Variants in PTPRG observed in about 807,000 individuals in gnomAD.
PTPRG encodes the protein protein tyrosine phosphatase receptor type G.
A neutral mutation model predicts 165.3 loss-of-function variants in PTPRG; 102 were observed. The ratio of observed to expected loss-of-function variants is 0.62; its 90% CI spans 0.53 to 0.73. The LOEUF is 0.73. Among genes scored for constraint, PTPRG ranks in the 30% least tolerant of loss-of-function variants. PTPRG has a pLI of 0.00. For synonymous variants in PTPRG, 675 were observed against 669.5 expected, an observed-to-expected ratio of 1.01 and a Z score of -0.13; for missense variants, 1,866 against 1,861.4, an observed-to-expected ratio of 1.00 and a Z score of -0.05.
intron 2 of PTPRG, among the ~76,000 whole-genome samples, chr3:61,786,451 T>C (rs1461217856): frequency 6.6e-6 from 1 of 152,166 alleles, no homozygotes; most frequent in Admixed American, 6.6e-5. Context: ...AGTTGGTCGC[T>C]AGTTATGGTT....
intron 6 of PTPRG, among the ~76,000 whole-genome samples, chr3:62,138,036 A>C (rs1703778707): frequency 6.6e-6 from 1 of 152,188 alleles, no homozygotes; most frequent in Non-Finnish European, 1.5e-5. Flanking sequence ...CTCATCTTCA[A>C]GGCTCTCTTC....
Position 61,858,323 on chromosome 3 carries a change from A to G in PTPRG, c.190+109341A>G, listed in dbSNP as rs2037171021. Among the ~76,000 whole-genome samples, 4 of 152,344 alleles carry G rather than the reference A, an allele frequency of 2.6e-5. No homozygotes were observed. In the South Asian group the frequency reaches 8.3e-4, roughly 32 times the overall value. The stretch of plus-strand genomic sequence containing the variant: ...ACAGTTTTATAAGTGAATGTATTTC[A>G]ATCGTTTTTTATTAACAGTATTCCC... On this transcript the variant is annotated intron_variant, in intron 2 of 29. Transcript: ENST00000474889.
At position 61,857,089 on chromosome 3, in the gene PTPRG, C is replaced by CTT. The variant is rs895779789; in HGVS notation, c.190+108117_190+108118dup. ...TCCTATTTCTGTGTGTGTCTAGTAT[C>CTT]TTTTTTTTTTTACCCCCTCTCTCAA... On this transcript the variant is annotated intron_variant, in intron 2 of 29. Coordinates refer to ENST00000474889, the MANE Select transcript of PTPRG (RefSeq NM_002841.4). Among the ~76,000 whole-genome samples the CTT allele has an allele frequency of 3.4e-4, 50 of 146,718 alleles. 1 individual carries two copies. In the East Asian group the frequency reaches 6.7e-3, roughly 20 times the overall value.
At chr3:62,208,398 G>T (rs1700280811) in intron 12 of PTPRG, among the ~76,000 whole-genome samples, 1 of 152,152 alleles carries the variant, frequency 6.6e-6, no homozygotes, top group African/African-American at 2.4e-5. Context: ...TCATCATTTG[G>T]TGCTGGGATT....
chr3:61,605,561 T>A (rs969062312), intron 1 of PTPRG, among the ~76,000 whole-genome samples: 5 of 83,232 alleles, frequency 6.0e-5, no homozygotes, highest in South Asian at 1.6e-3. Context: ...AAGCCAATTT[T>A]TTTATTTTTT....
At chr3:61,927,680 CTA>C (rs759226779) in intron 2 of PTPRG, among the ~76,000 whole-genome samples, 67 of 152,076 alleles carry the variant, frequency 4.4e-4, no homozygotes, top group Non-Finnish European at 1.5e-4. Flanking sequence ...AACCCTGGAG[CTA>C]TGTTTGGTGT....
At chr3:61,795,189 G>A (rs1342386128) in intron 2 of PTPRG, among the ~76,000 whole-genome samples, 4 of 152,176 alleles carry the variant, frequency 2.6e-5, no homozygotes, top group Admixed American at 2.0e-4. Context: ...CTAATAAGTA[G>A]TGGGGCTGGG....
intron 11 of PTPRG, among the ~76,000 whole-genome samples, 169 bp downstream of exon 11, chr3:62,201,723 A>G (rs1298546968): frequency 6.6e-6 from 1 of 152,222 alleles, no homozygotes; most frequent in African/African-American, 2.4e-5. Context: ...TACCTTATGA[A>G]CACAAGCTGT....
chr3:61,676,831 C>A lies in PTPRG; in HGVS notation c.86-72047C>A, dbSNP rs76997552. On this transcript the variant is annotated intron_variant, in intron 1 of 29. Transcript: ENST00000474889. ...GATTGGGTAACTGTTGGAATGTGGA[C>A]CACCAATTTCTTTTATTGGCTTCCA... Among the ~76,000 whole-genome samples, 49 of 152,224 alleles carry A rather than the reference C, an allele frequency of 3.2e-4. No homozygotes were observed. In the East Asian group the frequency reaches 9.5e-3, roughly 29 times the overall value.
Position 62,282,816 on chromosome 3 carries a change from C to T in PTPRG, c.4002C>T (p.Asn1334=), listed in dbSNP as rs755840341. Residue 1334 remains asparagine (N), a synonymous_variant, in exon 28 of 30, where the codon AAC becomes AAT. Coordinates refer to ENST00000474889, the MANE Select transcript of PTPRG (RefSeq NM_002841.4). The part of the protein sequence containing the change: ...APISSTFELI[N]VIKEEALTRD... ...TAAGTAGTACCTTTGAACTTATCAA[C>T]GTCATCAAGGAAGAGGCCTTAACAA... 5.6e-6 allele frequency: 9 copies of T among 1,611,442 alleles called. No homozygotes were observed. The highest frequency in any genetic ancestry group is 1.7e-5 in the Admixed American group (1 of 59,824).
intron 2 of PTPRG, among the ~76,000 whole-genome samples, chr3:61,775,660 A>G (rs1396704417): frequency 3.3e-5 from 5 of 152,154 alleles, no homozygotes; most frequent in African/African-American, 1.2e-4. Flanking sequence ...TGGCTAAGAA[A>G]TCAAGGTTCT....
chr3:61,680,816 C>T (rs371091431), intron 1 of PTPRG, among the ~76,000 whole-genome samples: 1 of 84,100 alleles, frequency 1.2e-5, no homozygotes, highest in Non-Finnish European at 3.1e-5. Flanking sequence ...TATTGGCACC[C>T]GGTTGGTGTT....
At chr3:61,871,204 TGTTATGTTATGTTATGTTA>T (rs2037571223) in intron 2 of PTPRG, among the ~76,000 whole-genome samples, 1 of 149,062 alleles carries the variant, frequency 6.7e-6, no homozygotes, top group Non-Finnish European at 1.5e-5. Context: ...TGTTATGTTA[TGTTATGTTATGTTATGTTA>T]TGTTATGTTA....
chr3:62,178,262 G>A (rs143460492), intron 8 of PTPRG, among the ~76,000 whole-genome samples: 1,949 of 152,186 alleles, frequency 0.013, 19 homozygotes, highest in Middle Eastern at 0.1. Context: ...TGTATGGGAG[G>A]ATGGAGGGAT....
At chr3:62,013,182 T>C (rs1043945616) in intron 4 of PTPRG, among the ~76,000 whole-genome samples, 1 of 152,196 alleles carries the variant, frequency 6.6e-6, no homozygotes, top group Non-Finnish European at 1.5e-5. Context: ...AAAATATTGT[T>C]TTAACATAAA....
In PTPRG at chr3:62,178,715, G is replaced by A. The variant is rs571715739; in HGVS notation, c.1033+10552G>A. ...GGTAGCAGACTCCAGGGGCCATCTA[G>A]TGTTTTCACACTTTACCTAATTACT... On this transcript the variant is annotated intron_variant, in intron 8 of 29. Transcript: ENST00000474889. Among the ~76,000 whole-genome samples the A allele has an allele frequency of 1.2e-4, 19 of 152,302 alleles. No individual in the cohort carries two copies. In the South Asian group the frequency reaches 3.9e-3, roughly 32 times the overall value.
chr3:61,982,108 G>A (rs1015172478), intron 2 of PTPRG, among the ~76,000 whole-genome samples: 4 of 152,052 alleles, frequency 2.6e-5, no homozygotes, highest in African/African-American at 9.7e-5. Context: ...GGAAAGTCAG[G>A]ATTCTAAAAG....
intron 1 of PTPRG, among the ~76,000 whole-genome samples, chr3:61,704,514 A>T (rs2031147752): frequency 6.6e-6 from 1 of 152,160 alleles, no homozygotes; most frequent in South Asian, 2.1e-4. Context: ...AGATAGCTCC[A>T]GTGTGGTAAT....
At chr3:61,779,467 A>G (rs2034482027) in intron 2 of PTPRG, among the ~76,000 whole-genome samples, 1 of 152,128 alleles carries the variant, frequency 6.6e-6, no homozygotes, top group African/African-American at 2.4e-5. Flanking sequence ...TACATCACAG[A>G]TGACTTGACC....
Sources: gnomAD v4.1 joint callset for allele counts (sites outside exome capture counted in the v4.1 genomes callset) on GRCh38, gnomAD v4.1.1 for gene constraint, MANE v1.5 for transcripts, NCBI Gene and HGNC (gene_info 2026-07-23, HGNC 2026-07-21) for gene names.